WASHC5: variants seen among roughly 807,000 people sequenced by gnomAD.
The protein encoded by WASHC5 is WASH complex subunit strumpellin.
A neutral mutation model predicts 150.4 loss-of-function variants in WASHC5; 101 were observed. The observed-to-expected ratio is 0.67, with a 90% CI of 0.57 to 0.79. The LOEUF is 0.79. Ranked by LOEUF, WASHC5 falls within the 30% of genes least tolerant of loss-of-function variation. The probability of loss-of-function intolerance (pLI) is 0.00; values close to 1 mark genes in which losing one functional copy is unlikely to be tolerated. For synonymous variants in WASHC5, 467 were observed against 491.2 expected (o/e 0.95, Z 0.65); for missense variants, 1,195 against 1,396.3 (o/e 0.86, Z 2.30).
At chr8:125,035,438 T>A (rs746217076) in intron 26 of WASHC5, among the ~76,000 whole-genome samples, 10 of 152,380 alleles carry the variant, frequency 6.6e-5, no homozygotes, top group African/African-American at 9.6e-5. Flanking sequence ...CATATATTCC[T>A]ATTGAATAAT....
In WASHC5 at chr8:125,091,695, T is replaced by A. The variant is rs543803078; in HGVS notation, c.-205A>T. 1 of 152,468 alleles carries A rather than the reference T, an allele frequency of 6.6e-6. No individual in the cohort carries two copies. The highest frequency in any genetic ancestry group is 2.1e-4 in the South Asian group (1 of 4,834). 9.4% of individuals were successfully genotyped at this position (152,468 alleles called of 1,614,324 possible). A position where few individuals can be genotyped will look rare whatever the true frequency, so the allele number is the denominator to read the frequency against. On this transcript the variant is annotated 5_prime_UTR_variant, in exon 1 of 29. Transcript: ENST00000318410. ...CCGGCACCCAGTTTCCACCCCTCCC[T>A]CAAGGCGGCGGTCCTCTTCTATCCG...
In WASHC5 at chr8:125,059,416, T is replaced by A. The variant is rs1420288522; in HGVS notation, c.1648A>T (p.Ile550Phe). Reference protein sequence around the residue: ...IKEEVLITMQIVGDLSFAWQL... With the variant: ...IKEEVLITMQFVGDLSFAWQL... Reference sequence around the variant, plus strand: ...CAAGCGAAAGAAAGGTCCCCAACGATCTGCATTGTGATCAGAACCTCCTCT... The same window carrying A: ...CAAGCGAAAGAAAGGTCCCCAACGAACTGCATTGTGATCAGAACCTCCTCT... Residue 550 changes from isoleucine to phenylalanine, a missense_variant, in exon 13 of 29, where the codon ATC becomes TTC. Physicochemically the swap from Ile to Phe is conservative, Grantham distance 21. Around this residue, in one of 3 missense-constraint regions of WASHC5, gnomAD observed 997 missense variants for 1,168.1 expected, o/e 0.85. Coordinates refer to ENST00000318410, the MANE Select transcript of WASHC5 (RefSeq NM_014846.4). 1.2e-6 allele frequency: 2 copies of A among 1,614,070 alleles called. No homozygotes were observed. The highest frequency in any genetic ancestry group is 1.7e-6 in the Non-Finnish European group (2 of 1,180,036).
chr8:125,032,466 T>C (rs910062262), intron 26 of WASHC5, 72 bp from the exon 27 acceptor site: 21 of 1,530,268 alleles, frequency 1.4e-5, no homozygotes, highest in Non-Finnish European at 1.6e-5. Context: ...ACCAACGCTG[T>C]GAAGGTCAAA....
At chr8:125,091,200 G>A (rs1817623039) in intron 1 of WASHC5, among the ~76,000 whole-genome samples, 1 of 151,864 alleles carries the variant, frequency 6.6e-6, no homozygotes. Flanking sequence ...AAGGCGCGGC[G>A]AGCAGCAATG....
At chr8:125,088,759 C>A (rs1336985554) in intron 1 of WASHC5, among the ~76,000 whole-genome samples, 1 of 152,164 alleles carries the variant, frequency 6.6e-6, no homozygotes, top group South Asian at 2.1e-4. Flanking sequence ...CTATGCCCTA[C>A]CCTCCGGACC....
chr8:125,047,109 G>T lies in WASHC5; in HGVS notation c.2504+98C>A, dbSNP rs557660983. Reference sequence around the variant, plus strand: ...TCAGAATATGAGTTGACAAGTGCAGGACCCCCGTGACTGGAATAGGGGCTG... The same window carrying T: ...TCAGAATATGAGTTGACAAGTGCAGTACCCCCGTGACTGGAATAGGGGCTG... On this transcript the variant is annotated intron_variant, in intron 20 of 28. Transcript: ENST00000318410. The T allele has an allele frequency of 3.2e-5, 46 of 1,427,822 alleles. 1 individual carries two copies. The South Asian group carries it at 4.8e-4, about 15-fold the overall frequency. 88.4% of individuals were successfully genotyped at this position (1,427,822 alleles called of 1,614,324 possible).
At chr8:125,060,565 A>C (rs1816565021) in intron 12 of WASHC5, among the ~76,000 whole-genome samples, 1 of 152,140 alleles carries the variant, frequency 6.6e-6, no homozygotes, top group African/African-American at 2.4e-5. Flanking sequence ...ACACAATTAA[A>C]ATTTAAGAGT....
chr8:125,037,207 C>T (rs1168397205), intron 26 of WASHC5, 30 bp downstream of exon 26: 12 of 1,224,188 alleles, frequency 9.8e-6, no homozygotes, highest in Non-Finnish European at 1.5e-5. Context: ...GGTATTGTTA[C>T]TCATTGCAAA....
intron 9 of WASHC5, 148 bp downstream of exon 9, chr8:125,073,005 T>C (rs1816944733): frequency 2.5e-6 from 2 of 805,622 alleles, no homozygotes; most frequent in Non-Finnish European, 4.2e-6. Context: ...CCTATCCAAG[T>C]TGACAAAAAA....
At chr8:125,056,632 G>A in intron 16 of WASHC5, 45 bp downstream of exon 16, 1 of 1,611,358 alleles carries the variant, frequency 6.2e-7, no homozygotes. Context: ...TTTCATGACT[G>A]TTAGTTTTTA....
intron 7 of WASHC5, 38 bp downstream of exon 7, chr8:125,076,310 C>A: frequency 6.3e-7 from 1 of 1,597,866 alleles, no homozygotes; most frequent in Non-Finnish European, 8.6e-7. Context: ...AGTTCTCTAA[C>A]ACATTTACTG....
Position 125,037,894 on chromosome 8 carries a change from C to T in WASHC5, c.3085-561G>A, listed in dbSNP as rs185660998. Among the ~76,000 whole-genome samples the T allele has an allele frequency of 1.8e-4, 27 of 152,290 alleles. No homozygotes were observed. The East Asian group carries it at 4.4e-3, about 25-fold the overall frequency. On this transcript the variant is annotated intron_variant, in intron 25 of 28. Coordinates refer to ENST00000318410, the MANE Select transcript of WASHC5 (RefSeq NM_014846.4). ...GTCACGGCAGAAACTACAGTCAGGG[C>T]GTACATGGCCAGGTCCAGACTGCCA...
intron 25 of WASHC5, 30 bp downstream of exon 25, chr8:125,038,800 T>G: frequency 6.2e-7 from 1 of 1,612,370 alleles, no homozygotes; most frequent in South Asian, 1.1e-5. Flanking sequence ...TGTACCCCCA[T>G]CCCCGCCATT....
rs539546898 is a variant in WASHC5, at chr8:125,028,620, C to T, written c.3423G>A (p.Arg1141=). 6.3e-6 allele frequency: 10 copies of T among 1,599,408 alleles called. No individual in the cohort carries two copies. The African/African-American group carries it at 1.2e-4, about 19-fold the overall frequency. Residue 1141 remains arginine (R), a splice_region_variant and synonymous_variant, in exon 28 of 29, where the codon AGG becomes AGA. Coordinates refer to ENST00000318410, the MANE Select transcript of WASHC5 (RefSeq NM_014846.4). The part of the protein sequence containing the change: ...DYVRYTKLPR[R]VAEAHVPNFI... ...TTGTTCTTTACTATCTATCACTTAC[C>T]CTCCTGGGTAGCTTTGTGTACCGAA...
Position 125,050,556 on chromosome 8 carries a change from C to G in WASHC5, c.2199+8G>C, listed in dbSNP as rs1816208848. On this transcript the variant is annotated splice_region_variant and intron_variant, in intron 18 of 28. Coordinates refer to ENST00000318410, the MANE Select transcript of WASHC5 (RefSeq NM_014846.4). ...GAAGAGGACAGGCCCACTCTGGTCA[C>G]TGGGTACCTTGGCTCGAGGGTTGAA... 2 of 1,608,412 alleles carry G rather than the reference C, an allele frequency of 1.2e-6. No individual in the cohort carries two copies.
chr8:125,041,582 A>G (rs1177590893), intron 23 of WASHC5, among the ~76,000 whole-genome samples: 1 of 152,150 alleles, frequency 6.6e-6, no homozygotes, highest in Non-Finnish European at 1.5e-5. Flanking sequence ...TAGAGGTTGC[A>G]GTGAGCCAAG....
chr8:125,067,659 CGA>C lies in WASHC5; in HGVS notation c.1209_1210del (p.Arg404ValfsTer17), dbSNP rs1816785800. 1.2e-6 allele frequency: 2 copies of C among 1,613,386 alleles called. No individual in the cohort carries two copies. Among genetic ancestry groups the C allele is most frequent in the Middle Eastern group, 1.6e-4 (1 of 6,080 alleles). ...CTGGAAGAGGATCCTGGGATTGTAC[CGA>C]GAGTCTGTTAGAATCTGGTCCTTGA... On this transcript the variant is annotated frameshift_variant, in exon 10 of 29. Transcript: ENST00000318410. LOFTEE classifies it high-confidence loss of function.
chr8:125,052,843 G>A (rs372225402), intron 17 of WASHC5, among the ~76,000 whole-genome samples: 33 of 152,180 alleles, frequency 2.2e-4, no homozygotes, highest in African/African-American at 7.5e-4. Flanking sequence ...TAAAATCGTC[G>A]TAAGTTGAAA....
chr8:125,081,619 C>T lies in WASHC5; in HGVS notation c.518+42G>A, dbSNP rs979536344. 11 of 1,106,470 alleles carry T rather than the reference C, an allele frequency of 9.9e-6. 1 individual carries two copies. Among genetic ancestry groups the T allele is most frequent in the East Asian group, 4.7e-5 (2 of 42,594 alleles). 68.5% of individuals were successfully genotyped at this position (1,106,470 alleles called of 1,614,324 possible). A position where few individuals can be genotyped will look rare whatever the true frequency, so the allele number is the denominator to read the frequency against. Reference sequence around the variant, plus strand: ...TATGGGGACATACACTGCATTTTACCGACAGCAGCGTTTCGGAAGTGTAGT... The same window carrying T: ...TATGGGGACATACACTGCATTTTACTGACAGCAGCGTTTCGGAAGTGTAGT... On this transcript the variant is annotated intron_variant, in intron 5 of 28. Transcript: ENST00000318410.
Sources: gnomAD v4.1 joint callset for allele counts (sites outside exome capture counted in the v4.1 genomes callset) on GRCh38, gnomAD v4.1.1 for gene constraint, gnomAD v4.1.1 regional missense constraint, MANE v1.5 for transcripts, NCBI Gene and HGNC (gene_info 2026-07-23, HGNC 2026-07-21) for gene names.